The following NPFFR2 variants were observed in gnomAD, a reference collection of about 807,000 sequenced individuals.
NPFFR2 encodes the protein G-protein coupled receptor 74.
NPFFR2 carries 15 observed loss-of-function variants against 13.1 expected under a neutral mutation model. The observed-to-expected ratio is 1.15, with a 90% CI of 0.77 to 1.76. The LOEUF is 1.76. Among genes scored for constraint, NPFFR2 ranks in the 40% most tolerant of loss-of-function variants. The probability of loss-of-function intolerance (pLI) is 0.00; values close to 1 mark genes in which losing one functional copy is unlikely to be tolerated. For synonymous variants in NPFFR2, 190 were observed against 175.7 expected (o/e 1.08, Z -0.65); for missense variants, 572 against 503.5 (o/e 1.14, Z -1.30).
intron 1 of NPFFR2, among the ~76,000 whole-genome samples, chr4:72,089,055 C>T (rs1208441091): frequency 6.6e-6 from 1 of 152,036 alleles, no homozygotes; most frequent in African/African-American, 2.4e-5. Flanking sequence ...AGCTTAGCTC[C>T]CACTTATGAG....
At chr4:72,089,504 T>C (rs1373859488) in intron 1 of NPFFR2, among the ~76,000 whole-genome samples, 1 of 152,172 alleles carries the variant, frequency 6.6e-6, no homozygotes, top group Non-Finnish European at 1.5e-5. Flanking sequence ...TTTGATATTT[T>C]GATTATGGCC....
intron 1 of NPFFR2, among the ~76,000 whole-genome samples, chr4:72,083,874 G>T (rs1720696988): frequency 6.6e-6 from 1 of 152,076 alleles, no homozygotes; most frequent in African/African-American, 2.4e-5. Flanking sequence ...TCCAACATAG[G>T]TAAATGTTAC....
chr4:72,040,763 T>C (rs1197730566), intron 1 of NPFFR2, among the ~76,000 whole-genome samples: 1 of 151,958 alleles, frequency 6.6e-6, no homozygotes, highest in Non-Finnish European at 1.5e-5. Context: ...AGATGACCTA[T>C]AAAGTATTAA....
At chr4:72,044,868 T>A (rs1323650819) in intron 1 of NPFFR2, among the ~76,000 whole-genome samples, 1 of 152,182 alleles carries the variant, frequency 6.6e-6, no homozygotes, top group Non-Finnish European at 1.5e-5. Flanking sequence ...TGTTCATTTT[T>A]TTCCTTTGCT....
intron 2 of NPFFR2, among the ~76,000 whole-genome samples, chr4:72,134,705 A>G (rs984975303): frequency 6.6e-6 from 1 of 152,148 alleles, no homozygotes; most frequent in African/African-American, 2.4e-5. Context: ...ATTCTCTTCC[A>G]GAGGTGTTAC....
At chr4:72,043,007 G>C (rs535986137) in intron 1 of NPFFR2, among the ~76,000 whole-genome samples, 1 of 152,274 alleles carries the variant, frequency 6.6e-6, no homozygotes, top group South Asian at 2.1e-4. Flanking sequence ...GGTTTCTTAG[G>C]CCAAGTCCAG....
chr4:72,120,222 C>G (rs576497096), intron 1 of NPFFR2, among the ~76,000 whole-genome samples: 1 of 152,238 alleles, frequency 6.6e-6, no homozygotes, highest in Non-Finnish European at 1.5e-5. Flanking sequence ...GATTCCTCCT[C>G]TCTGGGCAGG....
At chr4:72,093,329 G>A (rs1378299944) in intron 1 of NPFFR2, among the ~76,000 whole-genome samples, 1 of 152,124 alleles carries the variant, frequency 6.6e-6, no homozygotes, top group Non-Finnish European at 1.5e-5. Flanking sequence ...TTTTTGCAAT[G>A]AATTTGGCAG....
chr4:72,089,205 C>T (rs1720848525), intron 1 of NPFFR2, among the ~76,000 whole-genome samples: 1 of 151,808 alleles, frequency 6.6e-6, no homozygotes, highest in Admixed American at 6.6e-5. Flanking sequence ...ATATATGTAC[C>T]ACATTTTCTT....
At chr4:72,127,756 G>C (rs1484092413) in intron 1 of NPFFR2, among the ~76,000 whole-genome samples, 2 of 151,996 alleles carry the variant, frequency 1.3e-5, no homozygotes, top group Non-Finnish European at 2.9e-5. Context: ...TCACAATATG[G>C]TGGCTGTGTC....
intron 1 of NPFFR2, among the ~76,000 whole-genome samples, chr4:72,121,025 AC>A (rs1721858528): frequency 6.6e-6 from 1 of 152,106 alleles, no homozygotes; most frequent in African/African-American, 2.4e-5. Flanking sequence ...GGAATTGCTA[AC>A]TAGAATAACC....
intron 2 of NPFFR2, among the ~76,000 whole-genome samples, chr4:72,136,327 A>C (rs1722410356): frequency 6.6e-6 from 1 of 152,130 alleles, no homozygotes; most frequent in South Asian, 2.1e-4. Context: ...GGCTACAGTG[A>C]ACCATGATCA....
At chr4:72,076,465 A>T (rs1478447241) in intron 1 of NPFFR2, among the ~76,000 whole-genome samples, 1 of 152,124 alleles carries the variant, frequency 6.6e-6, no homozygotes, top group East Asian at 1.9e-4. Flanking sequence ...TGTACCCCCA[A>T]CCAGAATATT....
At chr4:72,105,853 G>A (rs72856193) in intron 1 of NPFFR2, among the ~76,000 whole-genome samples, 4,639 of 151,984 alleles carry the variant, frequency 0.031, 221 homozygotes, top group African/African-American at 0.1. Context: ...ATACTCTTGC[G>A]TTTGGGGTTT....
rs755124414 is a variant in NPFFR2 at position 72,147,120 on chromosome 4, C to T, written c.571C>T (p.Arg191Ter). 1.2e-5 allele frequency: 19 copies of T among 1,613,930 alleles called. No homozygotes were observed. Among genetic ancestry groups the T allele is most frequent in the Admixed American group, 5.0e-5 (3 of 59,988 alleles). Residue 191 changes from arginine to a stop codon, truncating the protein, a stop_gained, in exon 4 of 4, where the codon CGA (arginine) becomes TGA (stop). Coordinates refer to ENST00000308744, the MANE Select transcript of NPFFR2 (RefSeq NM_004885.3). LOFTEE classifies it low-confidence loss of function (END_TRUNC). ...ACATGTGCAAGAAGAAAAATATTAC[C>T]GAGTGAGACTCAACTCCCAGAATAA... Reference protein sequence around the residue: ...MLHVQEEKYYRVRLNSQNKTS... With the variant: ...MLHVQEEKYY
intron 1 of NPFFR2, among the ~76,000 whole-genome samples, chr4:72,076,816 T>C (rs1001763351): frequency 6.6e-6 from 1 of 152,140 alleles, no homozygotes. Flanking sequence ...TCATCACTCC[T>C]TTGGTGCTGC....
chr4:72,032,026 CAGCCTGGAGCGGA>C lies in NPFFR2; in HGVS notation c.-172_-160del. On this transcript the variant is annotated 5_prime_UTR_variant, in exon 1 of 4. Coordinates refer to ENST00000308744, the MANE Select transcript of NPFFR2 (RefSeq NM_004885.3). ...CTCAGCGTCCAGCAGCGCGGCGGGC[CAGCCTGGAGCGGA>C]AGCCTGGAGTGGAGCAGGCAGTCCG... 1 of 1,613,850 alleles carries C rather than the reference CAGCCTGGAGCGGA, an allele frequency of 6.2e-7. No homozygotes were observed. The highest frequency in any genetic ancestry group is 8.5e-7 in the Non-Finnish European group (1 of 1,179,946).
chr4:72,138,743 G>C (rs185924513), intron 3 of NPFFR2, among the ~76,000 whole-genome samples: 1 of 152,082 alleles, frequency 6.6e-6, no homozygotes, highest in Non-Finnish European at 1.5e-5. Context: ...TGTCTTTATA[G>C]TAGCATGCTT....
chr4:72,038,171 A>G (rs899438785), intron 1 of NPFFR2, among the ~76,000 whole-genome samples: 5 of 152,114 alleles, frequency 3.3e-5, no homozygotes, highest in Admixed American at 6.6e-5. Flanking sequence ...AGCTGCAGGG[A>G]AGGGGTTCTT....
Sources: gnomAD v4.1 joint callset for allele counts (sites outside exome capture counted in the v4.1 genomes callset) on GRCh38, gnomAD v4.1.1 for gene constraint, MANE v1.5 for transcripts, NCBI Gene and HGNC (gene_info 2026-07-23, HGNC 2026-07-21) for gene names.